AGBL4: variants seen among roughly 807,000 people sequenced by gnomAD.
AGBL4 encodes cytosolic carboxypeptidase 6.
A neutral mutation model predicts 66.4 loss-of-function variants in AGBL4; 58 were observed. The ratio of observed to expected loss-of-function variants is 0.87; its 90% CI spans 0.71 to 1.09. The LOEUF (loss-of-function observed/expected upper bound fraction) is 1.09, where lower values mean the gene tolerates loss of function less well. Ranked by LOEUF, AGBL4 falls within the 50% of genes least tolerant of loss-of-function variation. AGBL4 has a pLI of 0.00. For synonymous variants in AGBL4, 234 were observed against 222.9 expected, an observed-to-expected ratio of 1.05 and a Z score of -0.44; for missense variants, 579 against 631.0, an observed-to-expected ratio of 0.92 and a Z score of 0.88.
At chr1:49,532,158 GCTGAAAGCAAAC>G (rs1651190954) in intron 3 of AGBL4, among the ~76,000 whole-genome samples, 2 of 152,186 alleles carry the variant, frequency 1.3e-5, no homozygotes, top group African/African-American at 4.8e-5. Context: ...GGGAACTCTA[GCTGAAAGCAAAC>G]TAGACTGTCA....
chr1:49,286,199 A>G (rs975663928), intron 3 of AGBL4, among the ~76,000 whole-genome samples: 3 of 152,234 alleles, frequency 2.0e-5, no homozygotes, highest in Non-Finnish European at 4.4e-5. Flanking sequence ...TTAGGTATTG[A>G]TGGGACATAT....
chr1:49,535,931 T>C (rs1025092590), intron 3 of AGBL4, among the ~76,000 whole-genome samples: 4 of 152,248 alleles, frequency 2.6e-5, no homozygotes, highest in African/African-American at 7.2e-5. Flanking sequence ...GACCTCGTGA[T>C]TGGCCTGCCT....
At chr1:49,406,523 T>C (rs953901149) in intron 3 of AGBL4, among the ~76,000 whole-genome samples, 19 of 152,322 alleles carry the variant, frequency 1.2e-4, no homozygotes, top group African/African-American at 3.8e-4. Context: ...TAAAATCCTA[T>C]ATAAATATAT....
At chr1:49,261,919 G>C (rs1280537140) in intron 3 of AGBL4, among the ~76,000 whole-genome samples, 3 of 150,366 alleles carry the variant, frequency 2.0e-5, no homozygotes, top group Non-Finnish European at 4.4e-5. Context: ...ATACTACAAG[G>C]CTACAGTAAC....
chr1:49,497,954 T>A (rs1193720886), intron 3 of AGBL4, among the ~76,000 whole-genome samples: 1 of 152,078 alleles, frequency 6.6e-6, no homozygotes, highest in African/African-American at 2.4e-5. Context: ...AATCTGCTTT[T>A]CATCTGGGGT....
intron 2 of AGBL4, among the ~76,000 whole-genome samples, chr1:49,793,464 C>T (rs975166202): frequency 1.7e-4 from 26 of 151,902 alleles, no homozygotes; most frequent in African/African-American, 6.0e-4. Flanking sequence ...AATAATAGAA[C>T]TGAAGAAAAG....
chr1:49,132,444 T>C (rs576261221), intron 4 of AGBL4, among the ~76,000 whole-genome samples: 8 of 152,272 alleles, frequency 5.3e-5, no homozygotes, highest in African/African-American at 1.9e-4. Flanking sequence ...CTTTTGACTC[T>C]AAGTCATTAA....
At chr1:49,508,553 A>G (rs575438275) in intron 3 of AGBL4, among the ~76,000 whole-genome samples, 1 of 151,928 alleles carries the variant, frequency 6.6e-6, no homozygotes, top group Non-Finnish European at 1.5e-5. Context: ...AATTTTATTG[A>G]CCCACAATGA....
chr1:49,460,872 A>C (rs1646496669), intron 3 of AGBL4, among the ~76,000 whole-genome samples: 2 of 151,758 alleles, frequency 1.3e-5, no homozygotes, highest in South Asian at 4.1e-4. Flanking sequence ...GTTTCACTGC[A>C]TACAAAATTC....
chr1:48,609,373 T>C (rs897391108), intron 9 of AGBL4, among the ~76,000 whole-genome samples: 6 of 152,216 alleles, frequency 3.9e-5, no homozygotes, highest in Non-Finnish European at 8.8e-5. Context: ...TTTTCTATAA[T>C]GTTTTTCACT....
chr1:49,227,813 T>C (rs2148290463), intron 4 of AGBL4, among the ~76,000 whole-genome samples: 1 of 152,338 alleles, frequency 6.6e-6, no homozygotes, highest in Middle Eastern at 3.4e-3. Context: ...TCAATATTCA[T>C]GGCTGCAGTG....
chr1:49,923,839 GA>G (rs1042069687), intron 1 of AGBL4, among the ~76,000 whole-genome samples: 3 of 152,026 alleles, frequency 2.0e-5, no homozygotes, highest in African/African-American at 7.2e-5. Flanking sequence ...GGTTGTGGAG[GA>G]AAAAAAGAAT....
At chr1:48,912,965 A>T (rs12026033) in intron 5 of AGBL4, among the ~76,000 whole-genome samples, 16,620 of 152,126 alleles carry the variant, frequency 0.11, 1,022 homozygotes, top group African/African-American at 0.13. Flanking sequence ...CAAGTAGGAG[A>T]CAGCTAGGAT....
chr1:48,828,101 C>A (rs1646470131), intron 6 of AGBL4, among the ~76,000 whole-genome samples: 1 of 148,178 alleles, frequency 6.7e-6, no homozygotes, highest in Non-Finnish European at 1.5e-5. Context: ...GAGGCTGAGG[C>A]AGAAGAATTG....
chr1:49,782,946 T>C (rs1644370758), intron 2 of AGBL4, among the ~76,000 whole-genome samples: 1 of 152,092 alleles, frequency 6.6e-6, no homozygotes, highest in South Asian at 2.1e-4. Flanking sequence ...TATTCTGTTA[T>C]ATAATAGCAG....
chr1:48,543,101 T>C (rs1644100648), intron 11 of AGBL4, among the ~76,000 whole-genome samples: 1 of 152,138 alleles, frequency 6.6e-6, no homozygotes, highest in Non-Finnish European at 1.5e-5. Flanking sequence ...CTTCCCAAAC[T>C]ACCTCTCCAG....
chr1:49,766,279 C>A (rs1348580253), intron 2 of AGBL4, among the ~76,000 whole-genome samples: 1 of 152,070 alleles, frequency 6.6e-6, no homozygotes. Flanking sequence ...GATTAGGGGC[C>A]TATTTTCAGC....
At chr1:49,573,113 CAT>C (rs199934150) in intron 3 of AGBL4, among the ~76,000 whole-genome samples, 56 of 148,670 alleles carry the variant, frequency 3.8e-4, no homozygotes, top group Admixed American at 8.8e-4. Context: ...AATAAATTCT[CAT>C]ATATATATAT....
At chr1:49,703,781 CCTTA>C (rs1474699133) in intron 2 of AGBL4, among the ~76,000 whole-genome samples, 1 of 151,866 alleles carries the variant, frequency 6.6e-6, no homozygotes, top group African/African-American at 2.4e-5. Context: ...CTAGAACTTT[CCTTA>C]CTTACAGATG....
Sources: gnomAD v4.1 joint callset for allele counts (sites outside exome capture counted in the v4.1 genomes callset) on GRCh38, gnomAD v4.1.1 for gene constraint, MANE v1.5 for transcripts, NCBI Gene and HGNC (gene_info 2026-07-23, HGNC 2026-07-21) for gene names.